Variants in HIVEP3 observed in about 807,000 individuals in gnomAD.
HIVEP3 encodes transcription factor HIVEP3.
A neutral mutation model predicts 152.8 loss-of-function variants in HIVEP3; 49 were observed. The ratio of observed to expected loss-of-function variants is 0.32; its 90% CI spans 0.26 to 0.41. The LOEUF is 0.41. Among genes scored for constraint, HIVEP3 ranks in the 10% least tolerant of loss-of-function variants. The pLI is 1.00. For synonymous variants in HIVEP3, 1,269 were observed against 1,289.0 expected (o/e 0.98, Z 0.33); for missense variants, 2,790 against 3,103.3 (o/e 0.90, Z 2.40).
chr1:41,581,323 A>G lies in HIVEP3; in HGVS notation c.3475T>C (p.Ser1159Pro), dbSNP rs1247115338. The change falls in exon 4 of 9, where the codon TCT becomes CCT. Residue 1159 changes from serine to proline, a missense_variant. Physicochemically the swap from Ser to Pro is moderately conservative, Grantham distance 74 (BLOSUM62 -1). Coordinates refer to ENST00000372583, the MANE Select transcript of HIVEP3 (RefSeq NM_024503.5). The surrounding 1 kb of genome is among the most constrained non-coding windows in gnomAD (Gnocchi z 4.5). ...GCCTGGGTGGAGAAGAATTCTGGAG[A>G]CTGTCCTGGCTCATGCTGCACGAGA... Reference protein sequence around the residue: ...QHLVQHEPGQSPEFFSTQAMS... With the variant: ...QHLVQHEPGQPPEFFSTQAMS... 1 of 1,613,380 alleles carries G rather than the reference A, an allele frequency of 6.2e-7. No homozygotes were observed. Among genetic ancestry groups the G allele is most frequent in the Non-Finnish European group, 8.5e-7 (1 of 1,179,766 alleles).
chr1:41,612,767 A>G (rs1316386150), intron 3 of HIVEP3, among the ~76,000 whole-genome samples: 1 of 152,226 alleles, frequency 6.6e-6, no homozygotes, highest in Non-Finnish European at 1.5e-5. Flanking sequence ...ATCAGGGCCT[A>G]GAATCATCAC....
chr1:41,531,726 C>T (rs1643261251), intron 5 of HIVEP3, among the ~76,000 whole-genome samples: 1 of 86,768 alleles, frequency 1.2e-5, no homozygotes, highest in Non-Finnish European at 2.4e-5. Context: ...AGATGGAAGA[C>T]AGGGGCGATA....
At chr1:41,563,231 C>T (rs1193195975) in intron 5 of HIVEP3, among the ~76,000 whole-genome samples, 2 of 152,052 alleles carry the variant, frequency 1.3e-5, no homozygotes, top group Non-Finnish European at 2.9e-5. Context: ...CCTGTAATCC[C>T]AGCTACTCAG....
upstream of HIVEP3, among the ~76,000 whole-genome samples, chr1:41,919,018 C>CT (rs1644916113): frequency 6.6e-6 from 1 of 152,138 alleles, no homozygotes; most frequent in Non-Finnish European, 1.5e-5. Context: ...AGTCCCATGC[C>CT]TAAAGGCACA....
intron 1 of HIVEP3, among the ~76,000 whole-genome samples, chr1:41,770,425 G>A (rs1648279793): frequency 2.0e-5 from 3 of 152,088 alleles, no homozygotes; most frequent in African/African-American, 7.3e-5. Flanking sequence ...CTTGAGCATG[G>A]GCCGGATGTA....
chr1:41,886,016 C>G (rs890402826), intron 1 of HIVEP3, among the ~76,000 whole-genome samples: 6 of 152,138 alleles, frequency 3.9e-5, no homozygotes, highest in African/African-American at 2.4e-5. Context: ...AGCATGGACC[C>G]CTTTCAAGGC....
At chr1:41,524,308 G>A (rs930876603) in intron 6 of HIVEP3, among the ~76,000 whole-genome samples, 2 of 152,220 alleles carry the variant, frequency 1.3e-5, no homozygotes, top group Admixed American at 6.5e-5. Flanking sequence ...GTGTTAAGCA[G>A]CTGGGAGTGG....
chr1:41,700,116 C>T (rs1057084472), intron 2 of HIVEP3, among the ~76,000 whole-genome samples: 5 of 152,156 alleles, frequency 3.3e-5, no homozygotes, highest in East Asian at 1.9e-4. Context: ...AACCAAACCC[C>T]GACAGAATAG....
chr1:41,705,614 T>C (rs146253006), intron 1 of HIVEP3, among the ~76,000 whole-genome samples: 179 of 152,232 alleles, frequency 1.2e-3, no homozygotes, highest in African/African-American at 3.9e-3. Context: ...GAAGCAAATG[T>C]TTTGAAGGAC....
At chr1:41,657,866 G>T (rs1320061990) in intron 2 of HIVEP3, among the ~76,000 whole-genome samples, 1 of 152,240 alleles carries the variant, frequency 6.6e-6, no homozygotes, top group East Asian at 1.9e-4. Flanking sequence ...GCCAAGGACA[G>T]ATGGAAATGG....
At chr1:41,755,526 C>T (rs1647268042) in intron 1 of HIVEP3, among the ~76,000 whole-genome samples, 1 of 151,644 alleles carries the variant, frequency 6.6e-6, no homozygotes, top group South Asian at 2.1e-4. Context: ...AAGCTATGGA[C>T]TAGGAGAAGA....
At chr1:41,727,855 C>T (rs1382396437) in intron 1 of HIVEP3, among the ~76,000 whole-genome samples, 3 of 152,198 alleles carry the variant, frequency 2.0e-5, no homozygotes, top group African/African-American at 7.2e-5. Flanking sequence ...ACCCAGTTTC[C>T]TATCTATAAA....
upstream of HIVEP3, among the ~76,000 whole-genome samples, chr1:41,923,449 G>A (rs1027571582): frequency 6.6e-6 from 1 of 152,142 alleles, no homozygotes; most frequent in African/African-American, 2.4e-5. Flanking sequence ...AAACTCATAG[G>A]AGTAGAGAGT....
chr1:41,833,197 C>CA (rs1394779944), intron 1 of HIVEP3, among the ~76,000 whole-genome samples: 1 of 152,218 alleles, frequency 6.6e-6, no homozygotes. Context: ...TTCAAAGGAG[C>CA]AAATGCCTGG....
chr1:41,591,116 G>T (rs1174744490), intron 3 of HIVEP3, among the ~76,000 whole-genome samples: 1 of 152,218 alleles, frequency 6.6e-6, no homozygotes, highest in Non-Finnish European at 1.5e-5. Context: ...TGGAGGGGCT[G>T]TCATGGCTGT....
At chr1:41,789,096 G>A (rs1649536493) in intron 1 of HIVEP3, among the ~76,000 whole-genome samples, 1 of 152,232 alleles carries the variant, frequency 6.6e-6, no homozygotes, top group Non-Finnish European at 1.5e-5. Context: ...GGACACCGCT[G>A]TCTTCCCTGG....
At chr1:41,884,968 T>A (rs1644321338) in intron 1 of HIVEP3, among the ~76,000 whole-genome samples, 1 of 152,204 alleles carries the variant, frequency 6.6e-6, no homozygotes, top group Admixed American at 6.5e-5. Flanking sequence ...TAAGTCTGAC[T>A]GTGGAATTTT....
At chr1:41,636,534 CA>C (rs1314344061) in intron 2 of HIVEP3, among the ~76,000 whole-genome samples, 2 of 151,908 alleles carry the variant, frequency 1.3e-5, no homozygotes, top group Non-Finnish European at 2.9e-5. Flanking sequence ...AAGCAAATGA[CA>C]GATTGGATAA....
At chr1:41,924,688 G>A (rs1459068710) in intron 1 of HIVEP3, among the ~76,000 whole-genome samples, 2 of 152,106 alleles carry the variant, frequency 1.3e-5, no homozygotes, top group East Asian at 1.9e-4. Context: ...TCTATGTAGA[G>A]TGCTTAGAAC....
Sources: gnomAD v4.1 joint callset for allele counts (sites outside exome capture counted in the v4.1 genomes callset) on GRCh38, gnomAD v4.1.1 for gene constraint, Gnocchi (gnomAD v3.1) non-coding constraint, MANE v1.5 for transcripts, NCBI Gene and HGNC (gene_info 2026-07-23, HGNC 2026-07-21) for gene names.